The following ERVV-2 variants were observed in gnomAD, a reference collection of about 807,000 sequenced individuals.
ERVV-2 encodes endogenous retrovirus group V member 2 Env polyprotein.
For missense variants in ERVV-2, 291 were observed against 495.1 expected, an observed-to-expected ratio of 0.59 and a Z score of 3.91; for synonymous variants, 105 against 184.6, an observed-to-expected ratio of 0.57 and a Z score of 3.49.
Position 53,050,996 on chromosome 19 carries a change from G to A in ERVV-2, c.*137G>A. On this transcript the variant is annotated 3_prime_UTR_variant, in exon 2 of 2. Transcript: ENST00000601417. ...CTTGAGGAGGGAAATATTAGGGTAGGCAGGTAGGCAGGCATGAGCAGGCAA... is the reference window on the plus strand; with the variant it reads ...CTTGAGGAGGGAAATATTAGGGTAGACAGGTAGGCAGGCATGAGCAGGCAA... 2 of 766,288 alleles carry A rather than the reference G, an allele frequency of 2.6e-6. No individual in the cohort carries two copies. The highest frequency in any genetic ancestry group is 4.0e-6 in the Non-Finnish European group (2 of 504,860). 47.5% of individuals were successfully genotyped at this position (766,288 alleles called of 1,614,324 possible). A position where few individuals can be genotyped will look rare whatever the true frequency, so the allele number is the denominator to read the frequency against.
chr19:53,046,172 G>C lies in ERVV-2; in HGVS notation c.-386+1214G>C, dbSNP rs2083890098. Among the ~76,000 whole-genome samples, 3 of 152,006 alleles carry C rather than the reference G, an allele frequency of 2.0e-5. No individual in the cohort carries two copies. In the South Asian group the frequency reaches 6.2e-4, roughly 32 times the overall value. ...AGCTACTTGGGAGGCTGAGGCAGGA[G>C]AATCGCTTGAACCCGGGAGCTGGCC... is the stretch of plus-strand genomic sequence containing the variant. On this transcript the variant is annotated intron_variant, in intron 1 of 1. Coordinates refer to ENST00000601417, the MANE Select transcript of ERVV-2 (RefSeq NM_001191055.2).
Position 53,050,784 on chromosome 19 carries a change from C to CA in ERVV-2, c.1534dup (p.Thr512AsnfsTer3). On this transcript the variant is annotated frameshift_variant, in exon 2 of 2. Coordinates refer to ENST00000601417, the MANE Select transcript of ERVV-2 (RefSeq NM_001191055.2). LOFTEE classifies it high-confidence loss of function. ...AGCTATCTGTCATTGGAGGCCCCAG[C>CA]ACCTATAAGCACATCTCCCCCTTGG... The CA allele has an allele frequency of 6.5e-7, 1 of 1,535,972 alleles. No individual in the cohort carries two copies. Among genetic ancestry groups the CA allele is most frequent in the Non-Finnish European group, 8.7e-7 (1 of 1,146,872 alleles).
chr19:53,051,013 A>ATAG lies in ERVV-2; in HGVS notation c.*154_*155insTAG, dbSNP rs1555755670. Reference sequence around the variant, plus strand: ...TAGGGTAGGCAGGTAGGCAGGCATGAGCAGGCAAGAGAGCCCTTGGGAAAG... The same window carrying ATAG: ...TAGGGTAGGCAGGTAGGCAGGCATGATAGGCAGGCAAGAGAGCCCTTGGGAAAG... On this transcript the variant is annotated 3_prime_UTR_variant, in exon 2 of 2. Coordinates refer to ENST00000601417, the MANE Select transcript of ERVV-2 (RefSeq NM_001191055.2). The ATAG allele has an allele frequency of 3.4e-5, 24 of 705,144 alleles. No homozygotes were observed. The highest frequency in any genetic ancestry group is 4.1e-5 in the Non-Finnish European group (18 of 444,022). 43.7% of individuals were successfully genotyped at this position (705,144 alleles called of 1,614,324 possible).
rs2083901918 is a variant in ERVV-2 at position 53,049,106 on chromosome 19, T to C, written c.-146T>C. 3.7e-6 allele frequency: 3 copies of C among 820,268 alleles called. No individual in the cohort carries two copies. The highest frequency in any genetic ancestry group is 5.5e-6 in the Non-Finnish European group (3 of 545,910). 50.8% of individuals were successfully genotyped at this position (820,268 alleles called of 1,614,324 possible). A position where few individuals can be genotyped will look rare whatever the true frequency, so the allele number is the denominator to read the frequency against. On this transcript the variant is annotated 5_prime_UTR_variant, in exon 2 of 2. Coordinates refer to ENST00000601417, the MANE Select transcript of ERVV-2 (RefSeq NM_001191055.2). Reference sequence around the variant, plus strand: ...GTTGCGGTGGCATTGGTTCTTCTCCTTATTTTGACCCAACTGGCATGCCAC... The same window carrying C: ...GTTGCGGTGGCATTGGTTCTTCTCCCTATTTTGACCCAACTGGCATGCCAC...
intron 1 of ERVV-2, among the ~76,000 whole-genome samples, chr19:53,048,573 G>A (rs1049432307): frequency 2.0e-5 from 3 of 148,946 alleles, no homozygotes; most frequent in African/African-American, 5.0e-5. Context: ...TACTCGGGAG[G>A]CTTAGGCAGG....
rs1020819874 is a variant in ERVV-2 at position 53,049,099 on chromosome 19, C to T, written c.-153C>T. 5.0e-6 allele frequency: 4 copies of T among 796,114 alleles called. No individual in the cohort carries two copies. In the African/African-American group the frequency reaches 7.8e-5, roughly 15 times the overall value. 49.3% of individuals were successfully genotyped at this position (796,114 alleles called of 1,614,324 possible). On this transcript the variant is annotated 5_prime_UTR_variant, in exon 2 of 2. Transcript: ENST00000601417. ...AATCTTGGTTGCGGTGGCATTGGTT[C>T]TTCTCCTTATTTTGACCCAACTGGC...
At chr19:53,048,456 T>C (rs1392564935) in intron 1 of ERVV-2, among the ~76,000 whole-genome samples, 1 of 151,624 alleles carries the variant, frequency 6.6e-6, no homozygotes, top group African/African-American at 2.4e-5. Context: ...AGCAGGTAGA[T>C]CATCTGAGGT....
In ERVV-2 at chr19:53,050,825, G is replaced by T; in HGVS notation, c.1574G>T (p.Arg525Ile). 1 of 1,534,510 alleles carries T rather than the reference G, an allele frequency of 6.5e-7. No individual in the cohort carries two copies. The highest frequency in any genetic ancestry group is 8.7e-7 in the Non-Finnish European group (1 of 1,146,376). ...TCCCCCTTGGATGCCAGTGGGCAAA[G>T]ATTCCGGGAAACTATGGAGGAATTT... The part of the protein sequence containing the change: ...HISPLDASGQ[R>I]FRETMEEFSL The change falls in exon 2 of 2, where the codon AGA becomes ATA. Residue 525 changes from arginine to isoleucine, a missense_variant. By Grantham distance (97) the Arg-to-Ile change is moderately conservative. Coordinates refer to ENST00000601417, the MANE Select transcript of ERVV-2 (RefSeq NM_001191055.2).
In ERVV-2 at chr19:53,050,690, T is replaced by A. The variant is rs1040363919; in HGVS notation, c.1439T>A (p.Leu480Ter). ...LFLFGPCFFN[L>*]LIKCVSSRIK... ...CTCTTTGGCCCTTGTTTCTTTAATT[T>A]ACTGATTAAGTGTGTCTCTTCTAGG... The change falls in exon 2 of 2, where the codon TTA becomes TAA. Residue 480 changes from leucine to a stop codon, truncating the protein, a stop_gained. Coordinates refer to ENST00000601417, the MANE Select transcript of ERVV-2 (RefSeq NM_001191055.2). LOFTEE classifies it low-confidence loss of function (END_TRUNC). 1.6e-5 allele frequency: 24 copies of A among 1,528,592 alleles called. No homozygotes were observed. The highest frequency in any genetic ancestry group is 2.0e-5 in the Non-Finnish European group (23 of 1,140,194). 94.7% of individuals were successfully genotyped at this position (1,528,592 alleles called of 1,614,324 possible). A position where few individuals can be genotyped will look rare whatever the true frequency, so the allele number is the denominator to read the frequency against.
intron 1 of ERVV-2, among the ~76,000 whole-genome samples, chr19:53,045,587 C>T (rs1276411889): frequency 6.6e-6 from 1 of 152,176 alleles, no homozygotes; most frequent in Non-Finnish European, 1.5e-5. Flanking sequence ...GGGCGTGAGC[C>T]ACTGCGACCG....
intron 1 of ERVV-2, among the ~76,000 whole-genome samples, chr19:53,048,001 C>A (rs904997091): frequency 6.6e-6 from 1 of 152,082 alleles, no homozygotes; most frequent in Non-Finnish European, 1.5e-5. Context: ...CGTGGGAAAA[C>A]CCTGATTTTT....
At chr19:53,045,146 C>T (rs779382626) in intron 1 of ERVV-2, among the ~76,000 whole-genome samples, 188 bp downstream of exon 1, 63 of 152,160 alleles carry the variant, frequency 4.1e-4, no homozygotes, top group Admixed American at 2.6e-4. Context: ...CTCCCTCTGG[C>T]TGATTTCTCA....
chr19:53,045,068 T>C (rs1336162327), intron 1 of ERVV-2, 110 bp downstream of exon 1: 1 of 151,012 alleles, frequency 6.6e-6, no homozygotes, highest in East Asian at 2.0e-4. Flanking sequence ...AGGGGAGGGG[T>C]TTTTCCTCTC....
Position 53,051,640 on chromosome 19 carries a change from G to T in ERVV-2, c.*781G>T, listed in dbSNP as rs1450342217. Among the ~76,000 whole-genome samples, 1 of 152,092 alleles carries T rather than the reference G, an allele frequency of 6.6e-6. No individual in the cohort carries two copies. Among genetic ancestry groups the T allele is most frequent in the African/African-American group, 2.4e-5 (1 of 41,412 alleles). ...GCACTAGCAGCTGGCTCATTCTTCT[G>T]ATGTCCTCTCTTTTTAAATAAAGCT... On this transcript the variant is annotated 3_prime_UTR_variant, in exon 2 of 2. Coordinates refer to ENST00000601417, the MANE Select transcript of ERVV-2 (RefSeq NM_001191055.2).
chr19:53,051,252 T>G lies in ERVV-2; in HGVS notation c.*393T>G, dbSNP rs2083913255. 6.7e-6 allele frequency among the ~76,000 whole-genome samples: 1 copy of G among 149,922 alleles called. No homozygotes were observed. The highest frequency in any genetic ancestry group is 1.5e-5 in the Non-Finnish European group (1 of 67,648). ...CCCTCCACCTCCCAGGTTCAATTGATTCTCCTGTTTCAGCCTCCTCAGTAG... is the reference window on the plus strand; with the variant it reads ...CCCTCCACCTCCCAGGTTCAATTGAGTCTCCTGTTTCAGCCTCCTCAGTAG... On this transcript the variant is annotated 3_prime_UTR_variant, in exon 2 of 2. Transcript: ENST00000601417.
chr19:53,049,345 TC>T lies in ERVV-2; in HGVS notation c.96del (p.Ile34Ter). The T allele has an allele frequency of 1.0e-6, 1 of 983,230 alleles. No individual in the cohort carries two copies. Among genetic ancestry groups the T allele is most frequent in the Non-Finnish European group, 1.5e-6 (1 of 689,448 alleles). 60.9% of individuals were successfully genotyped at this position (983,230 alleles called of 1,614,324 possible). On this transcript the variant is annotated frameshift_variant, in exon 2 of 2. Coordinates refer to ENST00000601417, the MANE Select transcript of ERVV-2 (RefSeq NM_001191055.2). LOFTEE classifies it low-confidence loss of function (END_TRUNC). ...QWNENSLVSFSKIIASGNHLS... is the reference protein window; with the variant it reads ...QWNENSLVSFXKIIASGNHLS... Reference sequence around the variant, plus strand: ...GAATGAAAATTCCCTTGTCAGTTTTTCCAAAATAATTGCTTCGGGAAACCAT... The same window carrying T: ...GAATGAAAATTCCCTTGTCAGTTTTTCAAAATAATTGCTTCGGGAAACCAT...
chr19:53,047,554 T>G (rs2083895908), intron 1 of ERVV-2, among the ~76,000 whole-genome samples: 1 of 152,122 alleles, frequency 6.6e-6, no homozygotes, highest in Non-Finnish European at 1.5e-5. Context: ...TAAGAAATCC[T>G]TCTGAGCAAA....
chr19:53,051,093 CA>C lies in ERVV-2; in HGVS notation c.*235del. On this transcript the variant is annotated 3_prime_UTR_variant, in exon 2 of 2. Coordinates refer to ENST00000601417, the MANE Select transcript of ERVV-2 (RefSeq NM_001191055.2). ...CTTCCTTGGTGATGCTGCCCACAGA[CA>C]GTCAGCACTTCTCTAATAACCCATC... 2.3e-6 allele frequency: 1 copy of C among 428,782 alleles called. No homozygotes were observed. The highest frequency in any genetic ancestry group is 4.1e-6 in the Non-Finnish European group (1 of 242,272). The allele number at this position is 428,782 out of a possible 1,614,324, so 26.6% of individuals were successfully genotyped here. A position where few individuals can be genotyped will look rare whatever the true frequency, so the allele number is the denominator to read the frequency against.
Position 53,050,802 on chromosome 19 carries a change from C to G in ERVV-2, c.1551C>G (p.Ser517=). 6.5e-7 allele frequency: 1 copy of G among 1,535,676 alleles called. No homozygotes were observed. The highest frequency in any genetic ancestry group is 2.4e-5 in the East Asian group (1 of 40,914). The change falls in exon 2 of 2, where the codon TCC becomes TCG. Residue 517 remains serine (S), a synonymous_variant. Transcript: ENST00000601417. Reference sequence around the variant, plus strand: ...GCCCCAGCACCTATAAGCACATCTCCCCCTTGGATGCCAGTGGGCAAAGAT... The same window carrying G: ...GCCCCAGCACCTATAAGCACATCTCGCCCTTGGATGCCAGTGGGCAAAGAT... The part of the protein sequence containing the change: ...IGGPSTYKHI[S]PLDASGQRFR...
Sources: allele counts gnomAD v4.1 joint callset (sites outside exome capture counted in the v4.1 genomes callset), GRCh38; gene constraint gnomAD v4.1.1; transcripts MANE v1.5; gene names NCBI Gene and HGNC (gene_info 2026-07-23, HGNC 2026-07-21).